Variants in IRGM observed in about 807,000 individuals in gnomAD.
IRGM encodes the protein immunity related GTPase M.
For synonymous variants in IRGM, 98 were observed against 80.6 expected, an observed-to-expected ratio of 1.22 and a Z score of -1.16; for missense variants, 288 against 219.9, an observed-to-expected ratio of 1.31 and a Z score of -1.96.
At chr5:150,853,306 A>G (rs917928256), downstream of IRGM, among the ~76,000 whole-genome samples, 2 of 152,128 alleles carry the variant, frequency 1.3e-5, no homozygotes, top group Admixed American at 6.5e-5. Flanking sequence ...CATAATTTCA[A>G]TCTTTTAAAA....
intron 3 of IRGM, chr5:150,896,060 C>G: frequency 6.2e-7 from 1 of 1,613,580 alleles, no homozygotes; most frequent in Non-Finnish European, 8.5e-7. Context: ...TCAGCTGTGA[C>G]TTCTGGGAAA....
intron 3 of IRGM, among the ~76,000 whole-genome samples, chr5:150,885,598 T>C (rs994853162): frequency 2.0e-5 from 3 of 152,192 alleles, no homozygotes; most frequent in African/African-American, 7.2e-5. Context: ...CTTTGAGCAT[T>C]GTTTTGTAAT....
chr5:150,874,649 G>A (rs1299927202), intron 1 of IRGM, among the ~76,000 whole-genome samples: 1 of 152,196 alleles, frequency 6.6e-6, no homozygotes, highest in Non-Finnish European at 1.5e-5. Flanking sequence ...AGAAGGCTCT[G>A]CAACAGGTCC....
At chr5:150,860,436 A>G (rs541593895) in intron 1 of IRGM, among the ~76,000 whole-genome samples, 7 of 152,366 alleles carry the variant, frequency 4.6e-5, no homozygotes, top group Admixed American at 3.9e-4. Context: ...ACAGTGTTCA[A>G]AACTGGACAT....
At chr5:150,882,159 C>T (rs1754454968) in intron 3 of IRGM, among the ~76,000 whole-genome samples, 1 of 150,986 alleles carries the variant, frequency 6.6e-6, no homozygotes. Flanking sequence ...GTCGAGGCTG[C>T]AGTGAGCCAT....
intron 3 of IRGM, among the ~76,000 whole-genome samples, chr5:150,884,654 C>T (rs1007896347): frequency 1.1e-4 from 17 of 152,126 alleles, no homozygotes; most frequent in African/African-American, 4.1e-4. Context: ...TTTTGATTTA[C>T]ACTTCTCTAA....
chr5:150,887,971 C>CT (rs1277097125), intron 3 of IRGM, among the ~76,000 whole-genome samples: 1 of 151,978 alleles, frequency 6.6e-6, no homozygotes, highest in Non-Finnish European at 1.5e-5. Flanking sequence ...TGTAAATGGG[C>CT]TAAGTGCCTC....
At chr5:150,869,730 T>C (rs1458925959) in intron 1 of IRGM, among the ~76,000 whole-genome samples, 1 of 152,082 alleles carries the variant, frequency 6.6e-6, no homozygotes, top group East Asian at 1.9e-4. Context: ...ATAACTTCTC[T>C]TTTTATTTTT....
chr5:150,877,605 A>G (rs1202537078), intron 1 of IRGM, among the ~76,000 whole-genome samples: 1 of 152,162 alleles, frequency 6.6e-6, no homozygotes, highest in African/African-American at 2.4e-5. Context: ...CTAATGTAGT[A>G]GGTGTTATTA....
intron 3 of IRGM, chr5:150,896,083 ACT>A (rs1044887445): frequency 3.1e-6 from 5 of 1,613,124 alleles, no homozygotes; most frequent in African/African-American, 2.7e-5. Flanking sequence ...GCCTTCCCAC[ACT>A]CTCTACATTC....
chr5:150,863,274 A>C (rs1754161701), intron 1 of IRGM, among the ~76,000 whole-genome samples: 1 of 152,218 alleles, frequency 6.6e-6, no homozygotes, highest in Non-Finnish European at 1.5e-5. Flanking sequence ...GTTTTAGACC[A>C]CTGTTTAAAG....
chr5:150,890,985 T>A (rs1754600539), intron 3 of IRGM, among the ~76,000 whole-genome samples: 1 of 152,070 alleles, frequency 6.6e-6, no homozygotes, highest in East Asian at 1.9e-4. Flanking sequence ...CTACCTACTA[T>A]AACCTTACTA....
chr5:150,847,687 AC>A (rs1315980011), intron 1 of IRGM, 21 bp from the exon 2 acceptor site: 1 of 174,246 alleles, frequency 5.7e-6, no homozygotes, highest in Non-Finnish European at 1.2e-5. Flanking sequence ...ATCCTAACTC[AC>A]CTGCTCTTCT....
chr5:150,896,545 C>G (rs1413638727), intron 3 of IRGM: 1 of 1,613,676 alleles, frequency 6.2e-7, no homozygotes, highest in Non-Finnish European at 8.5e-7. Flanking sequence ...TGAATCTTCT[C>G]AAGATTAGAA....
intron 1 of IRGM, among the ~76,000 whole-genome samples, chr5:150,860,803 G>C (rs1754125225): frequency 6.6e-6 from 1 of 152,284 alleles, no homozygotes; most frequent in African/African-American, 2.4e-5. Flanking sequence ...TGTGCTACCT[G>C]CCTTGCTCAC....
chr5:150,899,216 G>A (rs1754908700), intron 3 of IRGM, among the ~76,000 whole-genome samples: 1 of 152,000 alleles, frequency 6.6e-6, no homozygotes, highest in Non-Finnish European at 1.5e-5. Context: ...TATTGTTTAA[G>A]CCACCCAGTT....
intron 1 of IRGM, among the ~76,000 whole-genome samples, chr5:150,859,627 G>A (rs1423739771): frequency 6.6e-6 from 1 of 152,176 alleles, no homozygotes; most frequent in African/African-American, 2.4e-5. Context: ...TCTATTCAGA[G>A]ATTCAACTTC....
At chr5:150,861,987 G>A (rs755042664) in intron 1 of IRGM, among the ~76,000 whole-genome samples, 33 of 152,188 alleles carry the variant, frequency 2.2e-4, no homozygotes, top group Non-Finnish European at 4.4e-4. Context: ...AGAAGCCCAG[G>A]TACAATTGGG....
chr5:150,880,358 T>C (rs1268686851), intron 3 of IRGM, among the ~76,000 whole-genome samples: 1 of 152,140 alleles, frequency 6.6e-6, no homozygotes, highest in Non-Finnish European at 1.5e-5. Flanking sequence ...ACCTGAAAAA[T>C]TGTAGAAATT....
Sources: gnomAD v4.1 joint callset for allele counts (sites outside exome capture counted in the v4.1 genomes callset) on GRCh38, gnomAD v4.1.1 for gene constraint, MANE v1.5 for transcripts, NCBI Gene and HGNC (gene_info 2026-07-23, HGNC 2026-07-21) for gene names.